The following TDRD12 variants were observed in gnomAD, a reference collection of about 807,000 sequenced individuals.
TDRD12 encodes the protein putative ATP-dependent RNA helicase TDRD12.
A neutral mutation model predicts 133.5 loss-of-function variants in TDRD12; 158 were observed. That is an observed-to-expected ratio of 1.18 (90% CI 1.04 to 1.35). The LOEUF is 1.35. Ranked by LOEUF, TDRD12 falls within the 40% of genes most tolerant of loss-of-function variation. The pLI is 0.00. For missense variants in TDRD12, 1,443 were observed against 1,321.3 expected (o/e 1.09, Z -1.43); for synonymous variants, 460 against 477.9 (o/e 0.96, Z 0.49).
At chr19:32,813,211 C>G (rs1967065619) in intron 24 of TDRD12, among the ~76,000 whole-genome samples, 1 of 152,140 alleles carries the variant, frequency 6.6e-6, no homozygotes, top group African/African-American at 2.4e-5. Flanking sequence ...GCCATTTACT[C>G]AGCAAGGGGT....
intron 11 of TDRD12, among the ~76,000 whole-genome samples, chr19:32,788,731 T>C (rs1231639651): frequency 1.3e-5 from 2 of 152,192 alleles, no homozygotes; most frequent in African/African-American, 4.8e-5. Flanking sequence ...TATTTCAACG[T>C]AGAGGCCCAG....
chr19:32,791,379 C>T (rs1004143198), intron 13 of TDRD12, among the ~76,000 whole-genome samples: 3 of 152,032 alleles, frequency 2.0e-5, no homozygotes, highest in African/African-American at 7.2e-5. Context: ...CAGCAGGCCA[C>T]CAGGGCAATT....
chr19:32,732,956 T>A (rs1354953351), intron 2 of TDRD12, among the ~76,000 whole-genome samples: 3 of 152,140 alleles, frequency 2.0e-5, no homozygotes, highest in Non-Finnish European at 2.9e-5. Flanking sequence ...GAAGATTGCT[T>A]GAGCCTAGGA....
At chr19:32,802,165 TA>T (rs1411174226) in intron 19 of TDRD12, among the ~76,000 whole-genome samples, 3 of 142,272 alleles carry the variant, frequency 2.1e-5, no homozygotes, top group South Asian at 2.1e-4. Flanking sequence ...ATATATATGA[TA>T]ATATATATCA....
exon 27 of TDRD12, chr19:32,818,106 C>A: frequency 1.4e-6 from 1 of 702,726 alleles, no homozygotes; most frequent in South Asian, 1.5e-5. Flanking sequence ...GTGACAGGGA[C>A]CAGTCCTGCT....
Position 32,730,497 on chromosome 19 carries a change from G to A in TDRD12, c.25-1228G>A, listed in dbSNP as rs1201404357. On this transcript the variant is annotated intron_variant, in intron 1 of 27. Coordinates refer to ENST00000444215, the Ensembl canonical transcript of TDRD12. ...TGTATTTTTTCCAGGGTTTATTATT[G>A]TTACCCACAGGTGATATAGAAACTA... Among the ~76,000 whole-genome samples the A allele has an allele frequency of 3.9e-5, 6 of 152,044 alleles. No homozygotes were observed. In the South Asian group the frequency reaches 1.2e-3, roughly 32 times the overall value.
At chr19:32,794,901 A>G (rs555385769) in intron 14 of TDRD12, 88 bp downstream of exon 14, 69 of 631,746 alleles carry the variant, frequency 1.1e-4, no homozygotes, top group South Asian at 8.1e-4. Context: ...AAGGTCGTCT[A>G]TTACTCAGTT....
exon 26 of TDRD12, chr19:32,815,572 G>T (rs569632261): frequency 1.3e-6 from 2 of 1,536,230 alleles, no homozygotes; most frequent in South Asian, 2.4e-5. Flanking sequence ...AAAAAATTAC[G>T]CGAAGATGCT....
intron 1 of TDRD12, among the ~76,000 whole-genome samples, chr19:32,722,084 A>G (rs546765726): frequency 6.6e-6 from 1 of 152,134 alleles, no homozygotes; most frequent in South Asian, 2.1e-4. Flanking sequence ...CTGAACAAAG[A>G]TTCACAAATG....
intron 7 of TDRD12, 128 bp downstream of exon 7, chr19:32,756,309 C>A: frequency 2.5e-6 from 2 of 786,872 alleles, no homozygotes; most frequent in Non-Finnish European, 3.6e-6. Context: ...AAAGTTTAAT[C>A]CTGATGAGGC....
At chr19:32,756,792 A>G (rs921259786) in intron 7 of TDRD12, among the ~76,000 whole-genome samples, 11 of 152,360 alleles carry the variant, frequency 7.2e-5, no homozygotes, top group Admixed American at 7.2e-4. Flanking sequence ...ACACCTTTAA[A>G]AAAAAGAGCT....
chr19:32,725,841 G>A (rs1968840983), intron 1 of TDRD12, among the ~76,000 whole-genome samples: 2 of 151,994 alleles, frequency 1.3e-5, no homozygotes, highest in East Asian at 1.9e-4. Flanking sequence ...TCCTATCCGC[G>A]AGCATGGAAT....
intron 1 of TDRD12, among the ~76,000 whole-genome samples, chr19:32,728,646 T>TC (rs1244139335): frequency 2.8e-5 from 2 of 70,818 alleles, no homozygotes; most frequent in Admixed American, 1.4e-4. Context: ...TTTCTTTTCC[T>TC]TTTTTTTTTT....
chr19:32,731,642 C>T, intron 1 of TDRD12, 83 bp from the exon 2 acceptor site: 1 of 1,240,076 alleles, frequency 8.1e-7, no homozygotes, highest in South Asian at 1.8e-5. Context: ...AAATTAGAAA[C>T]AGTAATCGTG....
chr19:32,806,387 G>A (rs1225706672), intron 21 of TDRD12, among the ~76,000 whole-genome samples: 2 of 140,728 alleles, frequency 1.4e-5, no homozygotes, highest in Non-Finnish European at 3.0e-5. Context: ...CTGTCACCCA[G>A]GCTAGAGTGC....
chr19:32,792,440 G>T (rs911922201), intron 13 of TDRD12, among the ~76,000 whole-genome samples: 2 of 152,028 alleles, frequency 1.3e-5, no homozygotes, highest in African/African-American at 4.8e-5. Flanking sequence ...TTTTAAAAAG[G>T]AACAGGCAGA....
At chr19:32,780,594 C>G (rs1970735084) in intron 11 of TDRD12, among the ~76,000 whole-genome samples, 1 of 152,106 alleles carries the variant, frequency 6.6e-6, no homozygotes, top group Non-Finnish European at 1.5e-5. Context: ...CTCTTGAAAT[C>G]ACACCCACAC....
At chr19:32,811,074 GT>G (rs1966985684) in intron 23 of TDRD12, 135 bp from the exon 24 acceptor site, 2 of 670,648 alleles carry the variant, frequency 3.0e-6, no homozygotes, top group Non-Finnish European at 4.9e-6. Flanking sequence ...GAAGGCCTTA[GT>G]TTTTTATTTC....
chr19:32,780,777 G>C (rs535951127), intron 11 of TDRD12, among the ~76,000 whole-genome samples: 2 of 140,726 alleles, frequency 1.4e-5, no homozygotes, highest in African/African-American at 5.5e-5. Flanking sequence ...TAATTATCTT[G>C]TTTTTTTCTT....
Sources: allele counts gnomAD v4.1 joint callset (sites outside exome capture counted in the v4.1 genomes callset), GRCh38; gene constraint gnomAD v4.1.1; transcripts MANE v1.5; gene names NCBI Gene and HGNC (gene_info 2026-07-23, HGNC 2026-07-21).